The following FOXK1 variants were observed in gnomAD, a reference collection of about 807,000 sequenced individuals.
FOXK1 encodes forkhead box protein K1.
A neutral mutation model predicts 51.9 loss-of-function variants in FOXK1; 19 were observed. The observed-to-expected ratio is 0.37, with a 90% CI of 0.26 to 0.54. The LOEUF (loss-of-function observed/expected upper bound fraction) is 0.54, where lower values mean the gene tolerates loss of function less well. Ranked by LOEUF, FOXK1 falls within the 20% of genes least tolerant of loss-of-function variation. The probability of loss-of-function intolerance (pLI) is 0.87; values close to 1 mark genes in which losing one functional copy is unlikely to be tolerated. For missense variants in FOXK1, 870 were observed against 1,032.7 expected, an observed-to-expected ratio of 0.84 and a Z score of 2.16; for synonymous variants, 537 against 482.6, an observed-to-expected ratio of 1.11 and a Z score of -1.48.
rs1452060445 is a variant in FOXK1, at chr7:4,756,181, C to A, written c.1050+798C>A. ...CCCGGCTGGAGTGTGGTGGCGCGATCTCAGCTCACTGCAACCTTCGCCTCC... is the reference window on the plus strand; with the variant it reads ...CCCGGCTGGAGTGTGGTGGCGCGATATCAGCTCACTGCAACCTTCGCCTCC... On this transcript the variant is annotated intron_variant, in intron 4 of 8. Coordinates refer to ENST00000328914, the MANE Select transcript of FOXK1 (RefSeq NM_001037165.2). This position sits in a 1 kb window ranked among gnomAD's most constrained non-coding sequence, Gnocchi z 4.1. Among the ~76,000 whole-genome samples, 1 of 152,180 alleles carries A rather than the reference C, an allele frequency of 6.6e-6. No individual in the cohort carries two copies. The highest frequency in any genetic ancestry group is 1.5e-5 in the Non-Finnish European group (1 of 68,036).
chr7:4,709,657 G>A lies in FOXK1; in HGVS notation c.560+26789G>A, dbSNP rs139318716. Among the ~76,000 whole-genome samples, 1 of 152,220 alleles carries A rather than the reference G, an allele frequency of 6.6e-6. No homozygotes were observed. The highest frequency in any genetic ancestry group is 1.5e-5 in the Non-Finnish European group (1 of 68,040). ...GTTAAAATCATGAACTGGTTTTGCC[G>A]CAGTAAAGCGTAATTCACATGATAC... is the stretch of plus-strand genomic sequence containing the variant. On this transcript the variant is annotated intron_variant, in intron 1 of 8. Coordinates refer to ENST00000328914, the MANE Select transcript of FOXK1 (RefSeq NM_001037165.2). This position sits in a 1 kb window ranked among gnomAD's most constrained non-coding sequence, Gnocchi z 5.6.
chr7:4,751,181 A>AT (rs1780770771), intron 2 of FOXK1, among the ~76,000 whole-genome samples: 2 of 150,560 alleles, frequency 1.3e-5, no homozygotes, highest in South Asian at 2.1e-4. Flanking sequence ...TGCCCGGCTA[A>AT]TTTTTTGTAT....
intron 1 of FOXK1, among the ~76,000 whole-genome samples, chr7:4,714,642 C>T (rs1780212366): frequency 1.3e-5 from 2 of 152,198 alleles, no homozygotes; most frequent in Admixed American, 6.5e-5. Context: ...AGTAGGAGTG[C>T]GTGCTTGCTT....
At chr7:4,737,424 A>C (rs1390376085) in intron 1 of FOXK1, among the ~76,000 whole-genome samples, 2 of 149,540 alleles carry the variant, frequency 1.3e-5, no homozygotes, top group Non-Finnish European at 3.0e-5. Flanking sequence ...TGGAACGGGT[A>C]GGTGTGTGTG....
rs146529629 is a variant in FOXK1 at position 4,729,107 on chromosome 7, C to T, written c.561-11731C>T. Among the ~76,000 whole-genome samples, 142 of 152,316 alleles carry T rather than the reference C, an allele frequency of 9.3e-4. 2 individuals are homozygous for T. The South Asian group carries it at 0.014, about 15-fold the overall frequency. On this transcript the variant is annotated intron_variant, in intron 1 of 8. Transcript: ENST00000328914. The surrounding 1 kb of genome is among the most constrained non-coding windows in gnomAD (Gnocchi z 6.2). ...GGTTGCAGAACACTGTGTCTGTGTC[C>T]GCTGTCTTAAAGAGCCTAGTCCATC...
At chr7:4,760,069 T>G in intron 7 of FOXK1, 1 of 165,652 alleles carries the variant, frequency 6.0e-6, no homozygotes, top group Non-Finnish European at 1.3e-5. Context: ...GATGTGTCCT[T>G]CCTTGTTGAA....
At position 4,730,409 on chromosome 7, in the gene FOXK1, TG is replaced by T. The variant is rs1780434933; in HGVS notation, c.561-10427del. ...CGTGGGGTTCAGGAGAACAGGGTTGTGGCATGGACCCAAAAGTGGAGTCACG... is the reference window on the plus strand; with the variant it reads ...CGTGGGGTTCAGGAGAACAGGGTTGTGCATGGACCCAAAAGTGGAGTCACG... On this transcript the variant is annotated intron_variant, in intron 1 of 8. Transcript: ENST00000328914. The surrounding 1 kb of genome is among the most constrained non-coding windows in gnomAD (Gnocchi z 4.7). Among the ~76,000 whole-genome samples, 1 of 152,150 alleles carries T rather than the reference TG, an allele frequency of 6.6e-6. No individual in the cohort carries two copies. Among genetic ancestry groups the T allele is most frequent in the African/African-American group, 2.4e-5 (1 of 41,432 alleles).
rs1338312313 is a variant in FOXK1, at chr7:4,730,615, C to A, written c.561-10223C>A. ...TTTGTGCCTTATTTTCCAAAGCCGCCACACTTGAGACGTCCTTGCTGCGGG... is the reference window on the plus strand; with the variant it reads ...TTTGTGCCTTATTTTCCAAAGCCGCAACACTTGAGACGTCCTTGCTGCGGG... On this transcript the variant is annotated intron_variant, in intron 1 of 8. Coordinates refer to ENST00000328914, the MANE Select transcript of FOXK1 (RefSeq NM_001037165.2). This position sits in a 1 kb window ranked among gnomAD's most constrained non-coding sequence, Gnocchi z 4.7. 6.6e-6 allele frequency among the ~76,000 whole-genome samples: 1 copy of A among 152,208 alleles called. No homozygotes were observed. The highest frequency in any genetic ancestry group is 1.5e-5 in the Non-Finnish European group (1 of 68,046).
chr7:4,682,580 T>C lies in FOXK1; in HGVS notation c.272T>C (p.Val91Ala). Residue 91 changes from valine to alanine, a missense_variant, in exon 1 of 9, where the codon GTG becomes GCG. Transcript: ENST00000328914. This position sits in a 1 kb window ranked among gnomAD's most constrained non-coding sequence, Gnocchi z 7.6. Reference protein sequence around the residue: ...SAVAGAAPALVAAAAASVRQS... With the variant: ...SAVAGAAPALAAAAAASVRQS... ...GTCGCGGGCGCGGCGCCGGCCCTGG[T>C]GGCCGCGGCGGCCGCCTCGGTACGG... 2 of 1,237,988 alleles carry C rather than the reference T, an allele frequency of 1.6e-6. No individual in the cohort carries two copies. Among genetic ancestry groups the C allele is most frequent in the Non-Finnish European group, 2.0e-6 (2 of 992,526 alleles). 76.7% of individuals were successfully genotyped at this position (1,237,988 alleles called of 1,614,324 possible). A position where few individuals can be genotyped will look rare whatever the true frequency, so the allele number is the denominator to read the frequency against.
At position 4,758,768 on chromosome 7, in the gene FOXK1, C is replaced by T. The variant is rs750948624; in HGVS notation, c.1245-283C>T. ...TTTTCATGGACACCTGGCTGGACCT[C>T]GGTGGAAGTGAACTCCGTAGGTTGT... is the stretch of plus-strand genomic sequence containing the variant. On this transcript the variant is annotated intron_variant, in intron 5 of 8. Coordinates refer to ENST00000328914, the MANE Select transcript of FOXK1 (RefSeq NM_001037165.2). The surrounding 1 kb of genome is among the most constrained non-coding windows in gnomAD (Gnocchi z 4.4). The T allele has an allele frequency of 1.7e-5, 7 of 402,520 alleles. No homozygotes were observed. Among genetic ancestry groups the T allele is most frequent in the Admixed American group, 4.1e-5 (1 of 24,166 alleles). The allele number at this position is 402,520 out of a possible 1,614,324, so 24.9% of individuals were successfully genotyped here.
intron 1 of FOXK1, among the ~76,000 whole-genome samples, chr7:4,717,288 A>T: frequency 1.1e-5 from 1 of 88,628 alleles, no homozygotes; most frequent in Non-Finnish European, 2.2e-5. Flanking sequence ...AGGTGGTAGC[A>T]GGAGGCGTGT....
Position 4,688,633 on chromosome 7 carries a change from C to T in FOXK1, c.560+5765C>T, listed in dbSNP as rs191828115. ...GAAGTCCTGTCTCCAGTGATCTGCC[C>T]GCCTCAGCCTCTCAAAGTGTTGAGA... is the stretch of plus-strand genomic sequence containing the variant. On this transcript the variant is annotated intron_variant, in intron 1 of 8. Transcript: ENST00000328914. 3.9e-3 allele frequency among the ~76,000 whole-genome samples: 588 copies of T among 152,224 alleles called. 3 individuals are homozygous for T. Among genetic ancestry groups the T allele is most frequent in the Non-Finnish European group, 5.3e-3 (362 of 68,006 alleles).
chr7:4,710,517 G>A (rs1275628955), intron 1 of FOXK1, among the ~76,000 whole-genome samples: 1 of 152,228 alleles, frequency 6.6e-6, no homozygotes, highest in Admixed American at 6.5e-5. Context: ...GGAGGTTGCA[G>A]TGAGCCTCAA....
At chr7:4,697,179 T>A (rs1005622747) in intron 1 of FOXK1, among the ~76,000 whole-genome samples, 17 of 152,304 alleles carry the variant, frequency 1.1e-4, no homozygotes, top group Middle Eastern at 3.4e-3. Flanking sequence ...CAGTGCTGTC[T>A]GCATCTGGAG....
chr7:4,759,015 G>C, intron 5 of FOXK1, 36 bp from the exon 6 acceptor site: 3 of 1,547,196 alleles, frequency 1.9e-6, no homozygotes, highest in Admixed American at 1.9e-5. Context: ...CCCTCAGCGC[G>C]GGCGCTGACT....
Position 4,696,830 on chromosome 7 carries a change from G to C in FOXK1, c.560+13962G>C, listed in dbSNP as rs560472578. Among the ~76,000 whole-genome samples, 93 of 152,334 alleles carry C rather than the reference G, an allele frequency of 6.1e-4. 1 individual carries two copies. The highest frequency in any genetic ancestry group is 2.2e-3 in the African/African-American group (90 of 41,574). ...CGCCTGTAATCCTAACACTTTGGGA[G>C]GCTGAGGTGGGTGGATCACTTGAGG... is the stretch of plus-strand genomic sequence containing the variant. On this transcript the variant is annotated intron_variant, in intron 1 of 8. Transcript: ENST00000328914.
rs1374676063 is a variant in FOXK1, at chr7:4,768,206, C to T, written c.*5742C>T. 2.4e-5 allele frequency: 3 copies of T among 126,372 alleles called. No individual in the cohort carries two copies. Among genetic ancestry groups the T allele is most frequent in the African/African-American group, 7.8e-5 (2 of 25,696 alleles). The allele number at this position is 126,372 out of a possible 1,614,324, so 7.8% of individuals were successfully genotyped here. A position where few individuals can be genotyped will look rare whatever the true frequency, so the allele number is the denominator to read the frequency against. On this transcript the variant is annotated 3_prime_UTR_variant, in exon 9 of 9. Transcript: ENST00000328914. ...GGAGTGCAGTGGCGTGATCTCGGCT[C>T]ACTGCAAGCTCCGCCTCCCGGGTTC...
At chr7:4,752,434 C>T (rs190595395) in intron 2 of FOXK1, among the ~76,000 whole-genome samples, 9 of 152,258 alleles carry the variant, frequency 5.9e-5, no homozygotes, top group Non-Finnish European at 1.0e-4. Context: ...CATGAGCCAC[C>T]GCACCCGGCA....
chr7:4,694,428 G>A (rs1289843366), intron 1 of FOXK1, among the ~76,000 whole-genome samples: 2 of 152,098 alleles, frequency 1.3e-5, no homozygotes, highest in Non-Finnish European at 2.9e-5. Context: ...CAAATCAGCA[G>A]TACACAGAGA....
Sources: allele counts gnomAD v4.1 joint callset (sites outside exome capture counted in the v4.1 genomes callset), GRCh38; gene constraint gnomAD v4.1.1; non-coding constraint Gnocchi (gnomAD v3.1); transcripts MANE v1.5; gene names NCBI Gene and HGNC (gene_info 2026-07-23, HGNC 2026-07-21).